PAN3: variants seen among roughly 807,000 people sequenced by gnomAD.
The protein encoded by PAN3 is PAN2-PAN3 deadenylation complex subunit PAN3.
A neutral mutation model predicts 96.2 loss-of-function variants in PAN3; 19 were observed. The ratio of observed to expected loss-of-function variants is 0.20; its 90% confidence interval spans 0.14 to 0.29. The LOEUF is 0.29. Ranked by LOEUF, PAN3 falls within the 10% of genes least tolerant of loss-of-function variation. PAN3 has a pLI of 1.00. For synonymous variants in PAN3, 433 were observed against 406.6 expected (o/e 1.06, Z -0.78); for missense variants, 882 against 1,108.1 (o/e 0.80, Z 2.90).
At chr13:28,167,173 TGTG>T (rs1404881633) in intron 1 of PAN3, among the ~76,000 whole-genome samples, 1 of 151,138 alleles carries the variant, frequency 6.6e-6, no homozygotes, top group African/African-American at 2.4e-5. Flanking sequence ...TGATCATGCT[TGTG>T]GTACTCTCTT....
chr13:28,138,885 C>T lies in PAN3; in HGVS notation c.228C>T (p.Ala76=), dbSNP rs1220779113. The change falls in exon 1 of 19, where the codon GCC becomes GCT. Residue 76 remains alanine (A), a synonymous_variant. Coordinates refer to ENST00000380958, the MANE Select transcript of PAN3 (RefSeq NM_175854.8). The part of the protein sequence containing the change: ...FLHEDPAAGA[A]PGLGLHSNSV... ...ATGAGGACCCTGCCGCCGGGGCTGC[C>T]CCGGGCCTCGGCCTCCATAGCAACA... 1.4e-6 allele frequency: 2 copies of T among 1,412,482 alleles called. No individual in the cohort carries two copies. Among genetic ancestry groups the T allele is most frequent in the Admixed American group, 5.7e-5 (2 of 34,912 alleles). 87.5% of individuals were successfully genotyped at this position (1,412,482 alleles called of 1,614,324 possible). A position where few individuals can be genotyped will look rare whatever the true frequency, so the allele number is the denominator to read the frequency against.
intron 9 of PAN3, among the ~76,000 whole-genome samples, chr13:28,261,961 A>G (rs182238003): frequency 3.9e-5 from 6 of 152,108 alleles, no homozygotes; most frequent in Admixed American, 2.6e-4. Context: ...ATGGTGATTT[A>G]CTTTACTGTG....
chr13:28,282,698 T>C (rs1247834415), intron 17 of PAN3, among the ~76,000 whole-genome samples: 2 of 152,156 alleles, frequency 1.3e-5, no homozygotes, highest in Admixed American at 1.3e-4. Context: ...TTCCTTTTTT[T>C]CCCTCCCACC....
chr13:28,180,982 C>T (rs1875698136), intron 4 of PAN3, among the ~76,000 whole-genome samples: 1 of 152,024 alleles, frequency 6.6e-6, no homozygotes, highest in Admixed American at 6.6e-5. Flanking sequence ...GCAAAGAATT[C>T]TCTAGATCCT....
chr13:28,257,030 A>G (rs1885203751), intron 7 of PAN3, among the ~76,000 whole-genome samples: 1 of 152,172 alleles, frequency 6.6e-6, no homozygotes, highest in African/African-American at 2.4e-5. Flanking sequence ...GGCCTGCAGT[A>G]TGGCTCTTAT....
intron 6 of PAN3, among the ~76,000 whole-genome samples, chr13:28,228,177 G>A (rs549745599): frequency 6.6e-6 from 1 of 152,288 alleles, no homozygotes; most frequent in Admixed American, 6.5e-5. Context: ...TACATGTCTA[G>A]TTAGGAGTGG....
At chr13:28,162,654 A>T (rs1395759702) in intron 1 of PAN3, among the ~76,000 whole-genome samples, 1 of 151,906 alleles carries the variant, frequency 6.6e-6, no homozygotes, top group African/African-American at 2.4e-5. Context: ...CTTAAAAAAA[A>T]AAAAGCATTT....
At chr13:28,168,047 C>T (rs1355377657) in intron 1 of PAN3, among the ~76,000 whole-genome samples, 1 of 152,166 alleles carries the variant, frequency 6.6e-6, no homozygotes, top group African/African-American at 2.4e-5. Context: ...GTCCTTGTGA[C>T]TTAATCACCT....
chr13:28,267,226 A>G lies in PAN3; in HGVS notation c.1690+15A>G, dbSNP rs1368604784. 2 of 1,612,000 alleles carry G rather than the reference A, an allele frequency of 1.2e-6. No individual in the cohort carries two copies. Among genetic ancestry groups the G allele is most frequent in the Non-Finnish European group, 1.7e-6 (2 of 1,178,190 alleles). The stretch of plus-strand genomic sequence containing the variant: ...TGCTGAGCCCTGTGAGTAACTTGTA[A>G]TTTGTCTTTCTGCTGGTGAGCTTCA... On this transcript the variant is annotated intron_variant, in intron 11 of 18. Coordinates refer to ENST00000380958, the MANE Select transcript of PAN3 (RefSeq NM_175854.8).
intron 7 of PAN3, among the ~76,000 whole-genome samples, chr13:28,259,490 A>G (rs989808909): frequency 6.6e-6 from 1 of 151,864 alleles, no homozygotes; most frequent in Non-Finnish European, 1.5e-5. Flanking sequence ...TATTTTTAGT[A>G]GAGACAGGTT....
At chr13:28,247,523 G>C (rs369659804) in intron 6 of PAN3, among the ~76,000 whole-genome samples, 2 of 152,076 alleles carry the variant, frequency 1.3e-5, no homozygotes, top group Admixed American at 6.5e-5. Flanking sequence ...CTGATGTCCT[G>C]AGGGCTTTCC....
chr13:28,166,649 C>G (rs1052412019), intron 1 of PAN3, among the ~76,000 whole-genome samples: 1 of 152,220 alleles, frequency 6.6e-6, no homozygotes, highest in Non-Finnish European at 1.5e-5. Flanking sequence ...AGTTCTCTGT[C>G]TAGCCCCTGA....
chr13:28,244,966 A>T (rs567268161), intron 6 of PAN3, among the ~76,000 whole-genome samples: 2 of 152,214 alleles, frequency 1.3e-5, no homozygotes, highest in Admixed American at 6.5e-5. Context: ...CTCCTGCCTC[A>T]GCCTCCTGAG....
chr13:28,183,661 A>G (rs1030192201), intron 4 of PAN3, among the ~76,000 whole-genome samples: 4 of 152,246 alleles, frequency 2.6e-5, no homozygotes, highest in African/African-American at 9.6e-5. Flanking sequence ...AGCAGGAATG[A>G]TAATAACACG....
At chr13:28,201,159 C>T (rs118084435) in intron 5 of PAN3, among the ~76,000 whole-genome samples, 8,490 of 151,752 alleles carry the variant, frequency 0.056, 308 homozygotes, top group South Asian at 0.15. Context: ...CTCAGTCTCC[C>T]GAGTAGCTGG....
At chr13:28,206,619 G>T (rs1309459271) in intron 5 of PAN3, among the ~76,000 whole-genome samples, 1 of 151,994 alleles carries the variant, frequency 6.6e-6, no homozygotes, top group African/African-American at 2.4e-5. Context: ...ACCACACGCG[G>T]CCCCTAACTG....
rs747972690 is a variant in PAN3, at chr13:28,197,251, G to A, written c.757G>A (p.Ala253Thr). The stretch of plus-strand genomic sequence containing the variant: ...TCCGATGGGATCAAAGGCACGAAAA[G>A]CAAAGAACCCTATTGGCTGCCTTGC... ...LVPMGSKARK[A>T]KNPIGCLADR... The change falls in exon 5 of 19, where the codon GCA becomes ACA. Residue 253 changes from alanine (A) to threonine (T), a missense_variant. This residue lies in a region of PAN3 where 442 missense variants were observed against 422.8 expected (regional missense o/e 1.05). Coordinates refer to ENST00000380958, the MANE Select transcript of PAN3 (RefSeq NM_175854.8). 1.3e-5 allele frequency: 21 copies of A among 1,613,446 alleles called. No homozygotes were observed. Among genetic ancestry groups the A allele is most frequent in the Non-Finnish European group, 1.8e-5 (21 of 1,179,692 alleles).
At chr13:28,248,920 T>G (rs541489365) in intron 6 of PAN3, among the ~76,000 whole-genome samples, 19 of 152,336 alleles carry the variant, frequency 1.2e-4, no homozygotes, top group African/African-American at 4.6e-4. Flanking sequence ...CATAAAGGGA[T>G]GTTAAATATT....
intron 9 of PAN3, among the ~76,000 whole-genome samples, chr13:28,264,664 C>T (rs1444764089): frequency 2.0e-5 from 3 of 152,110 alleles, no homozygotes. Context: ...CAAACGAGTG[C>T]CTACTATCCT....
Sources: gnomAD v4.1 joint callset for allele counts (sites outside exome capture counted in the v4.1 genomes callset) on GRCh38, gnomAD v4.1.1 for gene constraint, gnomAD v4.1.1 regional missense constraint, MANE v1.5 for transcripts, NCBI Gene and HGNC (gene_info 2026-07-23, HGNC 2026-07-21) for gene names.